PIP4K2A: variants seen among roughly 807,000 people sequenced by gnomAD.
PIP4K2A encodes phosphatidylinositol-5-phosphate 4-kinase type 2 alpha.
PIP4K2A carries 14 observed loss-of-function variants against 42.9 expected under a neutral mutation model. The ratio of observed to expected loss-of-function variants is 0.33; its 90% CI spans 0.22 to 0.51. The LOEUF is 0.51. Ranked by LOEUF, PIP4K2A falls within the 20% of genes least tolerant of loss-of-function variation. The probability of loss-of-function intolerance (pLI) is 0.97; values close to 1 mark genes in which losing one functional copy is unlikely to be tolerated. For missense variants in PIP4K2A, 434 were observed against 519.8 expected, an observed-to-expected ratio of 0.83 and a Z score of 1.61; for synonymous variants, 192 against 192.2, an observed-to-expected ratio of 1.00 and a Z score of 0.01.
At chr10:22,619,080 GA>G (rs35386541) in intron 1 of PIP4K2A, among the ~76,000 whole-genome samples, 1 of 151,742 alleles carries the variant, frequency 6.6e-6, no homozygotes, top group African/African-American at 2.4e-5. Flanking sequence ...TGTACTGGGG[GA>G]AAAAATCACC....
intron 1 of PIP4K2A, among the ~76,000 whole-genome samples, chr10:22,631,999 G>A (rs574314953): frequency 8.4e-4 from 127 of 152,012 alleles, no homozygotes; most frequent in Non-Finnish European, 1.5e-3. Flanking sequence ...CAACACTAAC[G>A]CTCTGGTATT....
intron 3 of PIP4K2A, among the ~76,000 whole-genome samples, chr10:22,606,796 T>C (rs1228773540): frequency 1.3e-5 from 2 of 152,212 alleles, no homozygotes; most frequent in African/African-American, 4.8e-5. Flanking sequence ...TTGAAGGGAC[T>C]TAAGTCAGTA....
intron 1 of PIP4K2A, chr10:22,642,083 G>T (rs529177362): frequency 1.3e-5 from 2 of 152,512 alleles, no homozygotes; most frequent in East Asian, 3.9e-4. Flanking sequence ...CAGAGATGCG[G>T]ATGGAAGCAG....
chr10:22,627,628 A>AAAAAAAAAAAAAAAAAAAAAAAAAAAC, intron 1 of PIP4K2A, among the ~76,000 whole-genome samples: 1 of 119,224 alleles, frequency 8.4e-6, no homozygotes, highest in Non-Finnish European at 1.8e-5. Flanking sequence ...AAAAAAAAAA[A>AAAAAAAAAAAAAAAAAAAAAAAAAAAC]AAAGATAAGG....
intron 3 of PIP4K2A, among the ~76,000 whole-genome samples, chr10:22,594,467 C>T (rs995405730): frequency 2.6e-4 from 40 of 152,196 alleles, no homozygotes; most frequent in Admixed American, 7.9e-4. Context: ...GCGATCTTGG[C>T]TCACTGCAGC....
At chr10:22,562,891 CCT>C (rs950599159) in intron 6 of PIP4K2A, among the ~76,000 whole-genome samples, 4 of 152,078 alleles carry the variant, frequency 2.6e-5, no homozygotes, top group African/African-American at 9.7e-5. Context: ...TCAAATGCCT[CCT>C]CTCTCTCTAG....
At chr10:22,589,721 C>A (rs1482107983) in intron 4 of PIP4K2A, among the ~76,000 whole-genome samples, 2 of 152,226 alleles carry the variant, frequency 1.3e-5, no homozygotes, top group African/African-American at 4.8e-5. Flanking sequence ...TAGGAGCTCA[C>A]AAGTCCAGGC....
intron 3 of PIP4K2A, among the ~76,000 whole-genome samples, chr10:22,598,872 C>T (rs1436781404): frequency 6.6e-6 from 1 of 152,236 alleles, no homozygotes; most frequent in Non-Finnish European, 1.5e-5. Flanking sequence ...TAATAATCAA[C>T]ATGCACAAAC....
chr10:22,632,061 A>T (rs1026987960), intron 1 of PIP4K2A, among the ~76,000 whole-genome samples: 1 of 149,834 alleles, frequency 6.7e-6, no homozygotes, highest in African/African-American at 2.5e-5. Context: ...GCTCTCGGTG[A>T]GAGCCATTCT....
At chr10:22,683,695 A>G (rs1839706876) in intron 1 of PIP4K2A, among the ~76,000 whole-genome samples, 1 of 152,050 alleles carries the variant, frequency 6.6e-6, no homozygotes, top group African/African-American at 2.4e-5. Flanking sequence ...CGTGTTTATC[A>G]TGGTTTTTAA....
rs942520868 is a variant in PIP4K2A at position 22,535,053 on chromosome 10, C to A, written c.*2148G>T. ...TAGCACTAGGAGATAACAGGGCAAA[C>A]GTCCTCACTCTGTCCAAATGGTTTA... On this transcript the variant is annotated 3_prime_UTR_variant, in exon 10 of 10. Coordinates refer to ENST00000376573, the MANE Select transcript of PIP4K2A (RefSeq NM_005028.5). 1 of 152,198 alleles carries A rather than the reference C, an allele frequency of 6.6e-6. No homozygotes were observed. The allele number at this position is 152,198 out of a possible 1,614,324, so 9.4% of individuals were successfully genotyped here. A position where few individuals can be genotyped will look rare whatever the true frequency, so the allele number is the denominator to read the frequency against.
In PIP4K2A at chr10:22,693,057, T is replaced by A. The variant is rs189416024; in HGVS notation, c.144+21126A>T. Among the ~76,000 whole-genome samples the A allele has an allele frequency of 1.6e-3, 246 of 152,340 alleles. 1 individual carries two copies. The highest frequency in any genetic ancestry group is 2.9e-3 in the Non-Finnish European group (198 of 68,018). ...AAATAGTTCTGCATATCCATTAATTTTAGTCCTGTTTTAATCGATTGGGGT... is the reference window on the plus strand; with the variant it reads ...AAATAGTTCTGCATATCCATTAATTATAGTCCTGTTTTAATCGATTGGGGT... On this transcript the variant is annotated intron_variant, in intron 1 of 9. Transcript: ENST00000376573.
chr10:22,664,062 CATATATATATATACGT>C (rs1839265634), intron 1 of PIP4K2A, among the ~76,000 whole-genome samples: 2 of 70,230 alleles, frequency 2.8e-5, no homozygotes, highest in African/African-American at 2.7e-4. Flanking sequence ...TGTATATATA[CATATATATATATACGT>C]ATATATATAT....
At chr10:22,627,627 A>AG in intron 1 of PIP4K2A, among the ~76,000 whole-genome samples, 1 of 126,584 alleles carries the variant, frequency 7.9e-6, no homozygotes, top group Non-Finnish European at 1.7e-5. Flanking sequence ...AAAAAAAAAA[A>AG]AAAAGATAAG....
chr10:22,704,365 G>A (rs1472590116), intron 1 of PIP4K2A, among the ~76,000 whole-genome samples: 2 of 152,110 alleles, frequency 1.3e-5, no homozygotes, highest in South Asian at 2.1e-4. Context: ...CAGTTTCCTA[G>A]GTGTGCTGGA....
chr10:22,623,436 G>A (rs2130750146), intron 1 of PIP4K2A, among the ~76,000 whole-genome samples: 1 of 152,298 alleles, frequency 6.6e-6, no homozygotes. Flanking sequence ...TTCCACAAGG[G>A]CGGTGTGCTC....
chr10:22,592,577 AG>A (rs747408523), intron 3 of PIP4K2A, among the ~76,000 whole-genome samples: 1 of 152,142 alleles, frequency 6.6e-6, no homozygotes, highest in Non-Finnish European at 1.5e-5. Context: ...GGCTCTGAGT[AG>A]GGGCTCTGCT....
intron 6 of PIP4K2A, among the ~76,000 whole-genome samples, chr10:22,558,675 T>C (rs564917737): frequency 6.6e-6 from 1 of 152,378 alleles, no homozygotes; most frequent in South Asian, 2.1e-4. Context: ...TAATAACTTC[T>C]AATTTTCACA....
rs1554791588 is a variant in PIP4K2A, at chr10:22,536,724, A to ACAAAAC, written c.*476_*477insGTTTTG. 1 of 136,824 alleles carries ACAAAAC rather than the reference A, an allele frequency of 7.3e-6. No individual in the cohort carries two copies. Among genetic ancestry groups the ACAAAAC allele is most frequent in the African/African-American group, 2.6e-5 (1 of 38,400 alleles). 8.5% of individuals were successfully genotyped at this position (136,824 alleles called of 1,614,324 possible). ...CACATCTTTCAACTCCAAAAAAAAAAAAAAAAAAAAAAAACTGATCCACAG... is the reference window on the plus strand; with the variant it reads ...CACATCTTTCAACTCCAAAAAAAAAACAAAACAAAAAAAAAAAAAACTGATCCACAG... On this transcript the variant is annotated 3_prime_UTR_variant, in exon 10 of 10. Coordinates refer to ENST00000376573, the MANE Select transcript of PIP4K2A (RefSeq NM_005028.5).
Sources: allele counts gnomAD v4.1 joint callset (sites outside exome capture counted in the v4.1 genomes callset), GRCh38; gene constraint gnomAD v4.1.1; transcripts MANE v1.5; gene names NCBI Gene and HGNC (gene_info 2026-07-23, HGNC 2026-07-21).